Variants in CDCA2 observed in about 807,000 individuals in gnomAD.
The protein encoded by CDCA2 is cell division cycle associated 2, also known as cell division cycle-associated protein 2.
A neutral mutation model predicts 67.0 loss-of-function variants in CDCA2; 44 were observed. The observed-to-expected ratio is 0.66, with a 90% CI of 0.52 to 0.84. The LOEUF is 0.84. Among genes scored for constraint, CDCA2 ranks in the 40% least tolerant of loss-of-function variants. CDCA2 has a pLI of 0.00. For synonymous variants in CDCA2, 447 were observed against 418.7 expected, an observed-to-expected ratio of 1.07 and a Z score of -0.82; for missense variants, 1,253 against 1,203.2, an observed-to-expected ratio of 1.04 and a Z score of -0.61.
At chr8:25,477,797 A>G (rs2117505229) in intron 7 of CDCA2, among the ~76,000 whole-genome samples, 1 of 152,262 alleles carries the variant, frequency 6.6e-6, no homozygotes, top group African/African-American at 2.4e-5. Flanking sequence ...ATAGTCAAAT[A>G]GGTCTTGATG....
At chr8:25,486,583 A>T (rs1048509703) in intron 11 of CDCA2, among the ~76,000 whole-genome samples, 3 of 151,774 alleles carry the variant, frequency 2.0e-5, no homozygotes, top group Non-Finnish European at 4.4e-5. Context: ...CAGGCAGATC[A>T]CTTGAGGTCA....
At chr8:25,468,136 A>AG (rs1208266853) in intron 5 of CDCA2, 81 bp from the exon 6 acceptor site, 18 of 574,546 alleles carry the variant, frequency 3.1e-5, no homozygotes, top group East Asian at 2.7e-4. Flanking sequence ...AAAAAAAAAA[A>AG]AAAGAAAAGA....
intron 13 of CDCA2, among the ~76,000 whole-genome samples, chr8:25,491,067 A>C (rs1803982870): frequency 6.6e-6 from 1 of 152,230 alleles, no homozygotes; most frequent in Non-Finnish European, 1.5e-5. Context: ...TCATCTGCAT[A>C]AAAGTAAGGA....
intron 7 of CDCA2, chr8:25,472,012 A>T (rs1395744401): frequency 6.6e-6 from 1 of 152,152 alleles, no homozygotes; most frequent in African/African-American, 2.4e-5. Context: ...ATGTTCCGAG[A>T]TGGAATCAAA....
At chr8:25,505,141 A>G (rs1010015734) in intron 14 of CDCA2, among the ~76,000 whole-genome samples, 12 of 151,686 alleles carry the variant, frequency 7.9e-5, no homozygotes, top group African/African-American at 2.4e-4. Flanking sequence ...CTCTCTCCCT[A>G]TATCTTCTTT....
chr8:25,483,439 C>T lies in CDCA2; in HGVS notation c.1073C>T (p.Pro358Leu), dbSNP rs144887977. 2.0e-5 allele frequency: 33 copies of T among 1,611,086 alleles called. No homozygotes were observed. Among genetic ancestry groups the T allele is most frequent in the East Asian group, 8.9e-5 (4 of 44,696 alleles). The change falls in exon 9 of 15, where the codon CCG becomes CTG. Residue 358 changes from proline (P) to leucine (L), a missense_variant. Transcript: ENST00000330560. ...NNLYDDDGTHPSLISNLPNCC... is the reference protein window; with the variant it reads ...NNLYDDDGTHLSLISNLPNCC... ...CTCTATGATGATGATGGGACTCATC[C>T]GAGCTTAATCTCAAATCTCCCAAAC...
chr8:25,462,068 T>C lies in CDCA2; in HGVS notation c.247T>C (p.Tyr83His), dbSNP rs1487190103. Residue 83 changes from tyrosine to histidine, a missense_variant, in exon 4 of 15, where the codon TAC (tyrosine) becomes CAC (histidine). Coordinates refer to ENST00000330560, the MANE Select transcript of CDCA2 (RefSeq NM_152562.4). ...VRNSAGKSSSYLKKCRRRSAV... is the reference protein window; with the variant it reads ...VRNSAGKSSSHLKKCRRRSAV... ...TTTCATTACAGGAAAGTCATCATCC[T>C]ACCTTAAAAAATGTAGACGACGTTC... The C allele has an allele frequency of 6.2e-7, 1 of 1,613,906 alleles. No individual in the cohort carries two copies. Among genetic ancestry groups the C allele is most frequent in the Admixed American group, 1.7e-5 (1 of 60,012 alleles).
chr8:25,466,768 C>T (rs1802916863), intron 5 of CDCA2, among the ~76,000 whole-genome samples: 2 of 152,002 alleles, frequency 1.3e-5, no homozygotes, highest in South Asian at 2.1e-4. Context: ...TTCAGCCAGG[C>T]GCGGTGGCTC....
chr8:25,496,533 C>A (rs1219634563), intron 13 of CDCA2, among the ~76,000 whole-genome samples: 2 of 152,078 alleles, frequency 1.3e-5, no homozygotes, highest in African/African-American at 4.8e-5. Context: ...GATACTGTAA[C>A]TACAAACCAT....
chr8:25,464,407 C>A (rs1218161774), intron 4 of CDCA2, among the ~76,000 whole-genome samples: 2 of 152,176 alleles, frequency 1.3e-5, no homozygotes, highest in Non-Finnish European at 2.9e-5. Flanking sequence ...TAGAGCAAGA[C>A]CTTGTCTCAA....
chr8:25,484,519 C>A (rs1803690778), intron 10 of CDCA2, among the ~76,000 whole-genome samples: 1 of 151,918 alleles, frequency 6.6e-6, no homozygotes, highest in African/African-American at 2.4e-5. Context: ...ACCTCATTAT[C>A]CCTATATCAA....
chr8:25,497,187 C>T (rs762601932), intron 13 of CDCA2, among the ~76,000 whole-genome samples: 3 of 151,996 alleles, frequency 2.0e-5, no homozygotes, highest in Non-Finnish European at 4.4e-5. Flanking sequence ...GGAAACATTA[C>T]GGGGGTTCCT....
At chr8:25,502,568 G>A (rs113921325) in intron 13 of CDCA2, among the ~76,000 whole-genome samples, 14 of 151,734 alleles carry the variant, frequency 9.2e-5, no homozygotes, top group African/African-American at 3.4e-4. Flanking sequence ...GTTTGAATCT[G>A]CAGGTTCAGC....
At chr8:25,481,993 C>A (rs948068195) in intron 8 of CDCA2, among the ~76,000 whole-genome samples, 1 of 152,114 alleles carries the variant, frequency 6.6e-6, no homozygotes, top group African/African-American at 2.4e-5. Flanking sequence ...ATGAGGAATT[C>A]TTGATAACAA....
At chr8:25,475,644 C>T (rs951578505) in intron 7 of CDCA2, among the ~76,000 whole-genome samples, 1 of 152,194 alleles carries the variant, frequency 6.6e-6, no homozygotes, top group African/African-American at 2.4e-5. Context: ...GCTTCTCGAC[C>T]TGGCGAAGAC....
chr8:25,468,544 T>TGTGTGCGTGC, intron 6 of CDCA2, 131 bp downstream of exon 6: 1 of 515,652 alleles, frequency 1.9e-6, no homozygotes, highest in South Asian at 3.0e-5. Flanking sequence ...TGTGTGTGTG[T>TGTGTGCGTGC]GTGTGTGTGT....
intron 6 of CDCA2, 147 bp downstream of exon 6, chr8:25,468,560 T>TGC (rs1554520629): frequency 1.4e-3 from 579 of 421,540 alleles, no homozygotes; most frequent in Middle Eastern, 3.9e-3. Flanking sequence ...TGTGTGTGCG[T>TGC]GTGTGTGTGT....
chr8:25,495,574 C>A (rs1406606472), intron 13 of CDCA2, among the ~76,000 whole-genome samples: 1 of 152,074 alleles, frequency 6.6e-6, no homozygotes, highest in Non-Finnish European at 1.5e-5. Context: ...GCCACCACGC[C>A]CGGCTAATTT....
intron 7 of CDCA2, among the ~76,000 whole-genome samples, chr8:25,476,247 T>C (rs1803342814): frequency 6.6e-6 from 1 of 152,178 alleles, no homozygotes; most frequent in African/African-American, 2.4e-5. Flanking sequence ...CCCACATCAC[T>C]CCAGTGTTTT....
Sources: gnomAD v4.1 joint callset for allele counts (sites outside exome capture counted in the v4.1 genomes callset) on GRCh38, gnomAD v4.1.1 for gene constraint, MANE v1.5 for transcripts, NCBI Gene and HGNC (gene_info 2026-07-23, HGNC 2026-07-21) for gene names.